ZMYM2: variants seen among roughly 807,000 people sequenced by gnomAD.
ZMYM2 encodes the protein zinc finger MYM-type containing 2.
In ZMYM2, 56 loss-of-function variants were observed where a neutral mutation model predicts 162.8. That is an observed-to-expected ratio of 0.34 (90% CI 0.28 to 0.43). The LOEUF is 0.43. Among genes scored for constraint, ZMYM2 ranks in the 20% least tolerant of loss-of-function variants. The pLI, the probability that ZMYM2 is intolerant of heterozygous loss-of-function variation, is 1.00. For synonymous variants in ZMYM2, 510 were observed against 541.6 expected (o/e 0.94, Z 0.81); for missense variants, 1,275 against 1,621.8 (o/e 0.79, Z 3.67).
chr13:20,014,762 GTTTTTTTT>G (rs71070286), intron 6 of ZMYM2, among the ~76,000 whole-genome samples: 1 of 92,832 alleles, frequency 1.1e-5, no homozygotes, highest in Non-Finnish European at 2.0e-5. Flanking sequence ...TTTACTTTAG[GTTTTTTTT>G]TTTTTTTTTT....
intron 2 of ZMYM2, among the ~76,000 whole-genome samples, chr13:19,973,787 A>C (rs578209246): frequency 6.6e-6 from 1 of 152,018 alleles, no homozygotes; most frequent in African/African-American, 2.4e-5. Flanking sequence ...GCTGCCTAGG[A>C]GGTCTTTTGA....
Position 20,052,216 on chromosome 13 carries a change from G to T in ZMYM2, c.2459-61G>T, listed in dbSNP as rs1042817285. 2.7e-5 allele frequency: 37 copies of T among 1,353,306 alleles called. No homozygotes were observed. In the African/African-American group the frequency reaches 4.7e-4, roughly 17 times the overall value. The allele number at this position is 1,353,306 out of a possible 1,614,324, so 83.8% of individuals were successfully genotyped here. A position where few individuals can be genotyped will look rare whatever the true frequency, so the allele number is the denominator to read the frequency against. On this transcript the variant is annotated intron_variant, in intron 13 of 24. Transcript: ENST00000610343. ...TTGGTGAAATTTAATGAGAAATAGG[G>T]ATTTAGAACATTCTGAAGAAAGAGT...
the ZMYM2 span, among the ~76,000 whole-genome samples, chr13:19,904,295 G>A: frequency 8.6e-5 from 13 of 151,444 alleles, no homozygotes; most frequent in African/African-American, 2.4e-4. Flanking sequence ...GGTGGCTCAT[G>A]CCTGTAATCC....
the ZMYM2 span, among the ~76,000 whole-genome samples, chr13:19,927,187 T>G: frequency 1.3e-5 from 2 of 152,044 alleles, no homozygotes; most frequent in Non-Finnish European, 2.9e-5. Flanking sequence ...ATGTATTTGT[T>G]ATTAAAAAAA....
the ZMYM2 span, among the ~76,000 whole-genome samples, chr13:19,950,214 TAAAA>T: frequency 2.0e-5 from 3 of 151,888 alleles, no homozygotes; most frequent in African/African-American, 7.3e-5. Context: ...TTTTAAAAAT[TAAAA>T]AAAAGTAAAA....
rs1177442079 is a variant in ZMYM2, at chr13:19,981,702, T to G, written c.-10-11361T>G. Among the ~76,000 whole-genome samples, 5 of 152,346 alleles carry G rather than the reference T, an allele frequency of 3.3e-5. No homozygotes were observed. In the East Asian group the frequency reaches 9.6e-4, roughly 29 times the overall value. On this transcript the variant is annotated intron_variant, in intron 2 of 24. Coordinates refer to ENST00000610343, the MANE Select transcript of ZMYM2 (RefSeq NM_197968.4). Reference sequence around the variant, plus strand: ...ATTTTTGTGGATATCTTTTCTTTTCTCTCTGAATATATTATTTTCTTAAAA... The same window carrying G: ...ATTTTTGTGGATATCTTTTCTTTTCGCTCTGAATATATTATTTTCTTAAAA...
chr13:20,072,175 A>G (rs1260603038), intron 21 of ZMYM2: 1 of 153,368 alleles, frequency 6.5e-6, no homozygotes, highest in African/African-American at 2.4e-5. Context: ...ATAAACTTGA[A>G]AGTTCTCTTG....
chr13:20,048,343 A>C (rs746376888), intron 12 of ZMYM2, among the ~76,000 whole-genome samples: 1 of 151,948 alleles, frequency 6.6e-6, no homozygotes, highest in Non-Finnish European at 1.5e-5. Flanking sequence ...TTAATATTCA[A>C]ATATTGCCTT....
chr13:19,918,776 G>A, the ZMYM2 span, among the ~76,000 whole-genome samples: 1 of 152,066 alleles, frequency 6.6e-6, no homozygotes, highest in Non-Finnish European at 1.5e-5. Context: ...AGGGATTAGA[G>A]GCGTGAGCCA....
chr13:19,898,889 C>T, the ZMYM2 span, among the ~76,000 whole-genome samples: 7 of 151,062 alleles, frequency 4.6e-5, no homozygotes, highest in African/African-American at 1.2e-4. Context: ...GCCATGATCA[C>T]GCCACTGCTC....
chr13:19,898,605 T>A, the ZMYM2 span, among the ~76,000 whole-genome samples: 2 of 151,998 alleles, frequency 1.3e-5, no homozygotes, highest in Non-Finnish European at 2.9e-5. Flanking sequence ...TTGTAACAAA[T>A]TAAACAAAAG....
intron 12 of ZMYM2, 145 bp downstream of exon 12, chr13:20,037,054 T>C: frequency 1.5e-6 from 1 of 675,956 alleles, no homozygotes; most frequent in Non-Finnish European, 2.2e-6. Flanking sequence ...ATTAAAATTG[T>C]CTTGTCATTT....
the ZMYM2 span, among the ~76,000 whole-genome samples, chr13:19,868,817 A>G: frequency 1.3e-5 from 2 of 152,088 alleles, no homozygotes; most frequent in African/African-American, 4.8e-5. Flanking sequence ...GTGGCACAAT[A>G]TCGGCTCACT....
the ZMYM2 span, among the ~76,000 whole-genome samples, chr13:19,907,089 C>T: frequency 3.3e-5 from 5 of 152,170 alleles, no homozygotes; most frequent in African/African-American, 9.7e-5. Flanking sequence ...TAAATACCCA[C>T]TTATTCATTT....
At chr13:19,991,065 TAC>T (rs1306156502) in intron 2 of ZMYM2, among the ~76,000 whole-genome samples, 53 of 138,362 alleles carry the variant, frequency 3.8e-4, no homozygotes, top group Non-Finnish European at 7.2e-4. Flanking sequence ...TGTGTGTGTG[TAC>T]GTATGTATTT....
the ZMYM2 span, among the ~76,000 whole-genome samples, chr13:19,910,532 CTCTTT>C: frequency 7.0e-6 from 1 of 143,822 alleles, no homozygotes; most frequent in Non-Finnish European, 1.5e-5. Context: ...TTCTCTCTCT[CTCTTT>C]TTTTTTTTTT....
At chr13:19,975,667 T>C (rs1956715352) in intron 2 of ZMYM2, among the ~76,000 whole-genome samples, 1 of 152,196 alleles carries the variant, frequency 6.6e-6, no homozygotes, top group Non-Finnish European at 1.5e-5. Context: ...TGCTTTCAGT[T>C]ATTTTGGGTT....
At chr13:20,011,129 ATTG>A (rs1483034116) in intron 6 of ZMYM2, among the ~76,000 whole-genome samples, 2 of 152,156 alleles carry the variant, frequency 1.3e-5, no homozygotes, top group African/African-American at 4.8e-5. Context: ...TCCAATAATA[ATTG>A]TTAACTGTAT....
intron 21 of ZMYM2, among the ~76,000 whole-genome samples, chr13:20,073,315 T>A (rs1957231116): frequency 6.6e-6 from 1 of 152,216 alleles, no homozygotes; most frequent in Non-Finnish European, 1.5e-5. Flanking sequence ...AAATTTAGAC[T>A]GTAATATAGC....
Sources: allele counts gnomAD v4.1 joint callset (sites outside exome capture counted in the v4.1 genomes callset), GRCh38; gene constraint gnomAD v4.1.1; transcripts MANE v1.5; gene names NCBI Gene and HGNC (gene_info 2026-07-23, HGNC 2026-07-21).